Variants in PLEKHA5 observed in about 807,000 individuals in gnomAD.
PLEKHA5 encodes the protein pleckstrin homology domain-containing family A member 5.
PLEKHA5 carries 55 observed loss-of-function variants against 181.9 expected under a neutral mutation model. The ratio of observed to expected loss-of-function variants is 0.30; its 90% CI spans 0.24 to 0.38. The LOEUF (loss-of-function observed/expected upper bound fraction) is 0.38. Ranked by LOEUF, PLEKHA5 falls within the 10% of genes least tolerant of loss-of-function variation. The probability of loss-of-function intolerance (pLI) is 1.00; values close to 1 mark genes in which losing one functional copy is unlikely to be tolerated. For missense variants in PLEKHA5, 1,432 were observed against 1,549.5 expected (o/e 0.92, Z 1.27); for synonymous variants, 535 against 529.4 (o/e 1.01, Z -0.15).
intron 15 of PLEKHA5, among the ~76,000 whole-genome samples, chr12:19,304,782 T>C (rs1205534861): frequency 1.3e-5 from 2 of 151,154 alleles, no homozygotes; most frequent in Admixed American, 6.6e-5. Context: ...TTGCCAGATA[T>C]GAGAACTACA....
At chr12:19,305,198 T>A (rs1249226527) in intron 15 of PLEKHA5, among the ~76,000 whole-genome samples, 1 of 152,114 alleles carries the variant, frequency 6.6e-6, no homozygotes, top group East Asian at 1.9e-4. Context: ...AGTTGGGAAA[T>A]TCTACACAAG....
At chr12:19,349,113 G>A (rs2094469987) in intron 25 of PLEKHA5, among the ~76,000 whole-genome samples, 1 of 132,782 alleles carries the variant, frequency 7.5e-6, no homozygotes, top group Non-Finnish European at 1.6e-5. Context: ...TGTTGTTGTT[G>A]TTGTTGTTTG....
intron 3 of PLEKHA5, among the ~76,000 whole-genome samples, chr12:19,251,739 C>CAAAAAA (rs374276545): frequency 2.1e-4 from 14 of 65,556 alleles, no homozygotes; most frequent in Non-Finnish European, 2.0e-4. Context: ...GAGGCCCATC[C>CAAAAAA]AAAAAAAAAA....
chr12:19,270,436 C>T (rs1262643735), intron 10 of PLEKHA5, among the ~76,000 whole-genome samples: 1 of 152,010 alleles, frequency 6.6e-6, no homozygotes, highest in Non-Finnish European at 1.5e-5. Context: ...TAATGAATGT[C>T]TCCAGAAAAT....
At chr12:19,238,799 CAAAAAAAAAAAAA>C (rs3056444) in intron 3 of PLEKHA5, among the ~76,000 whole-genome samples, 3 of 85,518 alleles carry the variant, frequency 3.5e-5, no homozygotes, top group Non-Finnish European at 7.3e-5. Context: ...TAAATCTGGC[CAAAAAAAAAAAAA>C]AAAAAAAAGG....
At chr12:19,270,165 C>G (rs1565545018) in intron 9 of PLEKHA5, 23 bp from the exon 10 acceptor site, 1 of 1,408,576 alleles carries the variant, frequency 7.1e-7, no homozygotes, top group South Asian at 1.4e-5. Context: ...AACATTCAAA[C>G]TGAATGTTCT....
intron 2 of PLEKHA5, among the ~76,000 whole-genome samples, chr12:19,131,432 C>T (rs1476027949): frequency 6.6e-6 from 1 of 152,196 alleles, no homozygotes; most frequent in African/African-American, 2.4e-5. Flanking sequence ...CTCAATTCCC[C>T]GGTGCAGGCT....
intron 3 of PLEKHA5, among the ~76,000 whole-genome samples, chr12:19,171,490 A>G (rs1240337767): frequency 6.6e-6 from 1 of 152,074 alleles, no homozygotes. Flanking sequence ...CTTTTTTGAG[A>G]TGGAGTTTTG....
intron 2 of PLEKHA5, 122 bp from the exon 3 acceptor site, chr12:19,132,269 CTT>C (rs1243507198): frequency 4.7e-6 from 3 of 636,036 alleles, no homozygotes; most frequent in African/African-American, 1.9e-5. Flanking sequence ...CAGCTCAACA[CTT>C]TTTTTGTTAG....
At chr12:19,142,934 G>T (rs2037834324) in intron 3 of PLEKHA5, among the ~76,000 whole-genome samples, 1 of 152,072 alleles carries the variant, frequency 6.6e-6, no homozygotes, top group Non-Finnish European at 1.5e-5. Context: ...ATGTCCTCCA[G>T]TTCTATCTAT....
At chr12:19,288,399 ACTT>A (rs1235852076) in intron 13 of PLEKHA5, among the ~76,000 whole-genome samples, 23 of 152,194 alleles carry the variant, frequency 1.5e-4, no homozygotes, top group East Asian at 5.8e-4. Flanking sequence ...TTAGCAGGAC[ACTT>A]CTTCTAGTTA....
chr12:19,169,382 G>T (rs2045372374), intron 3 of PLEKHA5, among the ~76,000 whole-genome samples: 1 of 152,090 alleles, frequency 6.6e-6, no homozygotes, highest in Non-Finnish European at 1.5e-5. Context: ...TCCCTGCCTA[G>T]TACTGGCAGA....
chr12:19,289,772 C>A (rs2078002070), intron 13 of PLEKHA5, among the ~76,000 whole-genome samples: 1 of 151,916 alleles, frequency 6.6e-6, no homozygotes, highest in Non-Finnish European at 1.5e-5. Flanking sequence ...TGGAAACTCT[C>A]TTTTTCTTAA....
At chr12:19,307,340 C>T (rs750177378) in intron 15 of PLEKHA5, 4 of 312,444 alleles carry the variant, frequency 1.3e-5, no homozygotes, top group Non-Finnish European at 2.4e-5. Context: ...GGCATGGTGG[C>T]GCATGCCTGT....
chr12:19,316,339 C>T (rs960341972), intron 16 of PLEKHA5, among the ~76,000 whole-genome samples: 5 of 151,214 alleles, frequency 3.3e-5, no homozygotes, highest in Non-Finnish European at 5.9e-5. Context: ...GTTCAGGATG[C>T]GGAAGTCTGA....
At chr12:19,307,103 C>G (rs2084162375) in intron 15 of PLEKHA5, 1 of 1,017,652 alleles carries the variant, frequency 9.8e-7, no homozygotes, top group Non-Finnish European at 1.5e-6. Context: ...CTTATGAGCA[C>G]TGTTGGTCCC....
intron 3 of PLEKHA5, among the ~76,000 whole-genome samples, chr12:19,240,820 TC>T (rs1212210836): frequency 6.6e-6 from 1 of 152,130 alleles, no homozygotes. Context: ...TTGAAATGTT[TC>T]TGAGTTAGGG....
At chr12:19,359,751 CAGG>C (rs1264999054) in intron 28 of PLEKHA5, among the ~76,000 whole-genome samples, 7 of 151,342 alleles carry the variant, frequency 4.6e-5, no homozygotes, top group Admixed American at 4.6e-4. Context: ...ATCACGAGGT[CAGG>C]AGATCGAGAC....
At chr12:19,313,407 A>G (rs1565604674) in intron 15 of PLEKHA5, among the ~76,000 whole-genome samples, 1 of 152,286 alleles carries the variant, frequency 6.6e-6, no homozygotes, top group Admixed American at 6.5e-5. Flanking sequence ...TGTTGTTCCA[A>G]ATACCTTTAC....
Sources: gnomAD v4.1 joint callset for allele counts (sites outside exome capture counted in the v4.1 genomes callset) on GRCh38, gnomAD v4.1.1 for gene constraint, MANE v1.5 for transcripts, NCBI Gene and HGNC (gene_info 2026-07-23, HGNC 2026-07-21) for gene names.